Variants in UBQLN1 observed in about 807,000 individuals in gnomAD.
The protein encoded by UBQLN1 is ubiquilin-1.
UBQLN1 carries 13 observed loss-of-function variants against 65.4 expected under a neutral mutation model. The ratio of observed to expected loss-of-function variants is 0.20; its 90% CI spans 0.13 to 0.32. UBQLN1 has a LOEUF of 0.32. Among genes scored for constraint, UBQLN1 ranks in the 10% least tolerant of loss-of-function variants. The pLI, the probability that UBQLN1 is intolerant of heterozygous loss-of-function variation, is 1.00. For missense variants in UBQLN1, 561 were observed against 724.0 expected (o/e 0.77, Z 2.58); for synonymous variants, 267 against 247.8 (o/e 1.08, Z -0.73).
At position 83,677,790 on chromosome 9, in the gene UBQLN1, T is replaced by C; in HGVS notation, c.1042A>G (p.Ser348Gly). 6.2e-7 allele frequency: 1 copy of C among 1,614,198 alleles called. No individual in the cohort carries two copies. ...TGCCCAGAAGTGCCACTGGCAGTAC[T>C]ACCAGTAGTGCCACCCACAGTGCTG... is the stretch of plus-strand genomic sequence containing the variant. ...TASTVGGTTG[S>G]TASGTSGQST... Residue 348 changes from serine to glycine, a missense_variant, in exon 6 of 11, where the codon AGT becomes GGT. Ser to Gly is a moderately conservative substitution (Grantham distance 56). Around this residue, in one of 8 missense-constraint regions of UBQLN1, gnomAD observed 89 missense variants for 77.8 expected, o/e 1.14. Transcript: ENST00000376395.
At chr9:83,704,824 C>CAAAAAAAAA (rs780432842) in intron 1 of UBQLN1, among the ~76,000 whole-genome samples, 4 of 69,530 alleles carry the variant, frequency 5.8e-5, no homozygotes, top group Admixed American at 1.9e-4. Context: ...GACTCCATCT[C>CAAAAAAAAA]AAAAAAAAAA....
At chr9:83,704,824 C>CAAA (rs780432842) in intron 1 of UBQLN1, among the ~76,000 whole-genome samples, 1,161 of 69,336 alleles carry the variant, frequency 0.017, 106 homozygotes, top group East Asian at 0.16. Flanking sequence ...GACTCCATCT[C>CAAA]AAAAAAAAAA....
intron 6 of UBQLN1, among the ~76,000 whole-genome samples, chr9:83,669,685 C>A (rs958880731): frequency 1.1e-4 from 17 of 152,130 alleles, no homozygotes; most frequent in African/African-American, 4.1e-4. Flanking sequence ...TCCAAGACTG[C>A]AAAGAATTAA....
chr9:83,677,080 A>T (rs539378459), intron 6 of UBQLN1, among the ~76,000 whole-genome samples: 26 of 152,338 alleles, frequency 1.7e-4, no homozygotes, highest in African/African-American at 5.8e-4. Flanking sequence ...ATTTTTAATA[A>T]ACCTGGCAGG....
Position 83,687,485 on chromosome 9 carries a change from T to C in UBQLN1, c.181-1330A>G, listed in dbSNP as rs910398876. ...ACATCTTCAAACCACTCTACCTCAC[T>C]GTCCCACAGCAGTGGATCTCAACAG... On this transcript the variant is annotated intron_variant, in intron 1 of 10. Coordinates refer to ENST00000376395, the MANE Select transcript of UBQLN1 (RefSeq NM_013438.5). 4.6e-5 allele frequency among the ~76,000 whole-genome samples: 7 copies of C among 152,160 alleles called. No individual in the cohort carries two copies. In the East Asian group the frequency reaches 1.4e-3, roughly 29 times the overall value.
intron 1 of UBQLN1, among the ~76,000 whole-genome samples, chr9:83,697,394 T>C (rs1564172297): frequency 2.0e-5 from 3 of 150,652 alleles, no homozygotes; most frequent in African/African-American, 7.3e-5. Context: ...CTACTAAAAA[T>C]ACAAAAAATT....
At position 83,686,168 on chromosome 9, in the gene UBQLN1, A is replaced by T. The variant is rs907177376; in HGVS notation, c.181-13T>A. 6.6e-7 allele frequency: 1 copy of T among 1,507,180 alleles called. No homozygotes were observed. The highest frequency in any genetic ancestry group is 9.0e-7 in the Non-Finnish European group (1 of 1,116,778). The allele number at this position is 1,507,180 out of a possible 1,614,324, so 93.4% of individuals were successfully genotyped here. A position where few individuals can be genotyped will look rare whatever the true frequency, so the allele number is the denominator to read the frequency against. On this transcript the variant is annotated splice_polypyrimidine_tract_variant and intron_variant, in intron 1 of 10. Transcript: ENST00000376395. ...TTTCTTCCTTAAACTAAATAAAAAT[A>T]AAATAAGTATGTATTACAGTTGTTT...
In UBQLN1 at chr9:83,679,880, A is replaced by G. The variant is rs1831911203; in HGVS notation, c.606T>C (p.Pro202=). Residue 202 remains proline (P), a synonymous_variant, in exon 4 of 11, where the codon CCT becomes CCC. Transcript: ENST00000376395. ...CCATAATTAACTGTCTCATCAGGTC[A>G]GGATTTGAGAGCATGCTCTGAACAA... is the stretch of plus-strand genomic sequence containing the variant. ...NPFVQSMLSN[P]DLMRQLIMAN... is the part of the protein sequence containing the mutation. 6.2e-7 allele frequency: 1 copy of G among 1,614,228 alleles called. No homozygotes were observed. Among genetic ancestry groups the G allele is most frequent in the African/African-American group, 1.3e-5 (1 of 75,066 alleles).
chr9:83,686,211 CT>C, intron 1 of UBQLN1, 56 bp from the exon 2 acceptor site: 2 of 1,204,968 alleles, frequency 1.7e-6, no homozygotes, highest in Non-Finnish European at 2.3e-6. Context: ...ACCATACAGT[CT>C]AGTTTCTACA....
intron 6 of UBQLN1, among the ~76,000 whole-genome samples, chr9:83,672,906 G>C (rs960113827): frequency 6.6e-6 from 1 of 152,222 alleles, no homozygotes; most frequent in African/African-American, 2.4e-5. Flanking sequence ...CCTACAACAT[G>C]TTTCTGCTAA....
chr9:83,694,840 G>A (rs1398379747), intron 1 of UBQLN1, among the ~76,000 whole-genome samples: 1 of 152,112 alleles, frequency 6.6e-6, no homozygotes, highest in Non-Finnish European at 1.5e-5. Context: ...ACTGAAGCAG[G>A]TATTACACGA....
chr9:83,682,490 C>A (rs1175661007), intron 3 of UBQLN1, among the ~76,000 whole-genome samples: 1 of 65,196 alleles, frequency 1.5e-5, no homozygotes, highest in African/African-American at 6.1e-5. Flanking sequence ...CTTAAAAAAA[C>A]AAACAAACAA....
chr9:83,672,077 C>T (rs1270842493), intron 6 of UBQLN1, among the ~76,000 whole-genome samples: 1 of 152,206 alleles, frequency 6.6e-6, no homozygotes, highest in Non-Finnish European at 1.5e-5. Flanking sequence ...TACTTTCCAA[C>T]TTTTCTTCTG....
intron 10 of UBQLN1, 56 bp from the exon 11 acceptor site, chr9:83,661,995 C>T (rs1831566558): frequency 2.0e-6 from 3 of 1,532,440 alleles, no homozygotes; most frequent in East Asian, 2.3e-5. Flanking sequence ...CCCTGCCACA[C>T]ATGACTTTTA....
At chr9:83,672,524 G>A (rs867793838) in intron 6 of UBQLN1, among the ~76,000 whole-genome samples, 2 of 152,204 alleles carry the variant, frequency 1.3e-5, no homozygotes, top group East Asian at 3.9e-4. Context: ...AGAAGAGGAA[G>A]AGAGACAAGT....
chr9:83,663,547 C>CT (rs1831596327), intron 10 of UBQLN1, among the ~76,000 whole-genome samples: 1 of 152,010 alleles, frequency 6.6e-6, no homozygotes, highest in Admixed American at 6.5e-5. Flanking sequence ...TCCCTAAGAA[C>CT]TTTTTTAAAG....
At chr9:83,697,450 G>A (rs1306287762) in intron 1 of UBQLN1, among the ~76,000 whole-genome samples, 1 of 148,312 alleles carries the variant, frequency 6.7e-6, no homozygotes, top group Non-Finnish European at 1.5e-5. Context: ...TACTCAGGAG[G>A]CTGAGGCAAG....
intron 1 of UBQLN1, among the ~76,000 whole-genome samples, chr9:83,696,085 G>A (rs907869138): frequency 6.6e-6 from 1 of 152,140 alleles, no homozygotes; most frequent in Non-Finnish European, 1.5e-5. Context: ...GACTACAGGT[G>A]CACACCACCA....
intron 6 of UBQLN1, among the ~76,000 whole-genome samples, chr9:83,672,949 A>G (rs1831758115): frequency 6.6e-6 from 1 of 152,250 alleles, no homozygotes; most frequent in East Asian, 1.9e-4. Context: ...TTATGTTTCA[A>G]GGCCAGGCAT....
Sources: gnomAD v4.1 joint callset for allele counts (sites outside exome capture counted in the v4.1 genomes callset) on GRCh38, gnomAD v4.1.1 for gene constraint, gnomAD v4.1.1 regional missense constraint, MANE v1.5 for transcripts, NCBI Gene and HGNC (gene_info 2026-07-23, HGNC 2026-07-21) for gene names.